Variants in KDM2B observed in about 807,000 individuals in gnomAD.
KDM2B encodes lysine demethylase 2B.
A neutral mutation model predicts 150.0 loss-of-function variants in KDM2B; 26 were observed. The ratio of observed to expected loss-of-function variants is 0.17; its 90% CI spans 0.13 to 0.24. The LOEUF (loss-of-function observed/expected upper bound fraction) is 0.24, where lower values mean the gene tolerates loss of function less well. Among genes scored for constraint, KDM2B ranks in the 10% least tolerant of loss-of-function variants. KDM2B has a pLI of 1.00. For missense variants in KDM2B, 1,265 were observed against 1,816.9 expected (o/e 0.70, Z 5.52); for synonymous variants, 734 against 729.5 (o/e 1.01, Z -0.10).
chr12:121,502,760 CAAAAAAAAAAA>C lies in KDM2B; in HGVS notation c.1647+6796_1647+6806del, dbSNP rs3080029. 3.1e-4 allele frequency among the ~76,000 whole-genome samples: 14 copies of C among 45,186 alleles called. No homozygotes were observed. In the East Asian group the frequency reaches 3.3e-3, roughly 11 times the overall value. 29.6% of individuals were successfully genotyped at this position (45,186 alleles called of 152,430 possible). On this transcript the variant is annotated intron_variant, in intron 11 of 22. Coordinates refer to ENST00000377071, the MANE Select transcript of KDM2B (RefSeq NM_032590.5). ...AGCAGAGCGAGACCCCCATCTCTAC[CAAAAAAAAAAA>C]AAAAAAAAAAAAAAAACTTAAATGA... is the stretch of plus-strand genomic sequence containing the variant.
intron 7 of KDM2B, 64 bp downstream of exon 7, chr12:121,534,429 GGTAA>G (rs1887932852): frequency 8.9e-7 from 1 of 1,125,692 alleles, no homozygotes; most frequent in African/African-American, 1.5e-5. Flanking sequence ...GAGAGGGAAA[GGTAA>G]GTGAGCCCCT....
chr12:121,465,641 C>T (rs968934977), intron 12 of KDM2B, among the ~76,000 whole-genome samples: 4 of 152,160 alleles, frequency 2.6e-5, no homozygotes, highest in African/African-American at 4.8e-5. Flanking sequence ...ATTGTATCTA[C>T]AGGCCATAGG....
intron 11 of KDM2B, among the ~76,000 whole-genome samples, chr12:121,498,797 A>G (rs1485196244): frequency 6.6e-6 from 1 of 152,164 alleles, no homozygotes; most frequent in African/African-American, 2.4e-5. Context: ...TAATTAACAA[A>G]TTAATAATAA....
At chr12:121,536,141 G>A (rs77526802) in intron 6 of KDM2B, 61,800 of 981,132 alleles carry the variant, frequency 0.063, 2,062 homozygotes, top group Middle Eastern at 0.074. Context: ...GGGGAGTGGG[G>A]CTGAGCTGGT....
chr12:121,479,679 T>G (rs1189797713), intron 12 of KDM2B, among the ~76,000 whole-genome samples: 1 of 151,920 alleles, frequency 6.6e-6, no homozygotes, highest in Non-Finnish European at 1.5e-5. Flanking sequence ...TGGAGTGCAA[T>G]GGCGTGATCT....
chr12:121,492,207 G>GT (rs1883443230), intron 12 of KDM2B, among the ~76,000 whole-genome samples: 1 of 152,032 alleles, frequency 6.6e-6, no homozygotes, highest in African/African-American at 2.4e-5. Context: ...GTACTTTTGA[G>GT]TTTTTTTGTT....
At chr12:121,571,982 G>A (rs901121495) in intron 4 of KDM2B, among the ~76,000 whole-genome samples, 1 of 152,072 alleles carries the variant, frequency 6.6e-6, no homozygotes, top group Non-Finnish European at 1.5e-5. Context: ...GTGGCCAGGT[G>A]CATGGTTCAA....
At chr12:121,568,124 C>T (rs1890841176) in intron 4 of KDM2B, among the ~76,000 whole-genome samples, 1 of 152,090 alleles carries the variant, frequency 6.6e-6, no homozygotes, top group African/African-American at 2.4e-5. Flanking sequence ...AGAGCCAACC[C>T]TTTGAAATAA....
intron 12 of KDM2B, among the ~76,000 whole-genome samples, chr12:121,459,452 T>C (rs1878784130): frequency 6.6e-6 from 1 of 151,668 alleles, no homozygotes; most frequent in Non-Finnish European, 1.5e-5. Context: ...TGTAAATCTT[T>C]ATGACTTTGA....
intron 13 of KDM2B, among the ~76,000 whole-genome samples, chr12:121,447,178 T>A (rs1205878546): frequency 6.6e-6 from 1 of 152,180 alleles, no homozygotes; most frequent in African/African-American, 2.4e-5. Flanking sequence ...ATTTTCCTCA[T>A]ACTCCCTCCA....
chr12:121,465,087 A>G (rs905861324), intron 12 of KDM2B, among the ~76,000 whole-genome samples: 5 of 151,616 alleles, frequency 3.3e-5, no homozygotes, highest in African/African-American at 4.9e-5. Flanking sequence ...ACTGAGTGGG[A>G]AAAAAAAATC....
At chr12:121,557,595 G>A (rs539995033) in intron 4 of KDM2B, among the ~76,000 whole-genome samples, 17 of 152,198 alleles carry the variant, frequency 1.1e-4, no homozygotes, top group East Asian at 3.9e-4. Flanking sequence ...ACGTGAAGAC[G>A]GAGGCAGAGA....
At chr12:121,516,205 T>C (rs1886177302) in intron 9 of KDM2B, 2 of 254,164 alleles carry the variant, frequency 7.9e-6, no homozygotes, top group African/African-American at 4.7e-5. Flanking sequence ...CGGTTTTGAC[T>C]TTTCAAATCT....
intron 12 of KDM2B, among the ~76,000 whole-genome samples, chr12:121,476,561 C>G (rs549440931): frequency 2.0e-5 from 3 of 151,868 alleles, no homozygotes; most frequent in Non-Finnish European, 4.4e-5. Flanking sequence ...AAAGGTAACA[C>G]GGTTAGAAAC....
chr12:121,427,091 A>C (rs548620868), downstream of KDM2B, among the ~76,000 whole-genome samples: 3 of 152,314 alleles, frequency 2.0e-5, no homozygotes, highest in South Asian at 6.2e-4. Flanking sequence ...GAAGGGACAG[A>C]GCCTCTTTTC....
intron 6 of KDM2B, among the ~76,000 whole-genome samples, chr12:121,538,238 G>T (rs1165269694): frequency 2.0e-5 from 3 of 152,026 alleles, no homozygotes; most frequent in African/African-American, 7.2e-5. Context: ...CCCGGCCGGT[G>T]GGGGTGCAGG....
At chr12:121,433,907 C>T (rs1235714288) in intron 22 of KDM2B, among the ~76,000 whole-genome samples, 5 of 151,910 alleles carry the variant, frequency 3.3e-5, no homozygotes, top group South Asian at 2.1e-4. Flanking sequence ...AGGCCGGGCG[C>T]GACTGCTCAT....
intron 22 of KDM2B, chr12:121,433,213 AG>A (rs1873360853): frequency 2.2e-6 from 1 of 456,598 alleles, no homozygotes; most frequent in African/African-American, 2.0e-5. Flanking sequence ...AGAAGCTAGA[AG>A]GAAAAGACTT....
chr12:121,558,285 C>T (rs1461063203), intron 4 of KDM2B, among the ~76,000 whole-genome samples: 1 of 151,942 alleles, frequency 6.6e-6, no homozygotes, highest in Non-Finnish European at 1.5e-5. Flanking sequence ...GGCAGGTGAA[C>T]TAAAGACCTG....
Sources: allele counts gnomAD v4.1 joint callset (sites outside exome capture counted in the v4.1 genomes callset), GRCh38; gene constraint gnomAD v4.1.1; transcripts MANE v1.5; gene names NCBI Gene and HGNC (gene_info 2026-07-23, HGNC 2026-07-21).